The following WNT3 variants were observed in gnomAD, a reference collection of about 807,000 sequenced individuals.
WNT3 encodes Wnt family member 3, also known as proto-oncogene Wnt-3.
In WNT3, 7 loss-of-function variants were observed where a neutral mutation model predicts 34.2. That is an observed-to-expected ratio of 0.20 (90% confidence interval 0.12 to 0.38). WNT3 has a LOEUF of 0.38. Ranked by LOEUF, WNT3 falls within the 10% of genes least tolerant of loss-of-function variation. The pLI is 1.00. For synonymous variants in WNT3, 212 were observed against 211.5 expected, an observed-to-expected ratio of 1.00 and a Z score of -0.02; for missense variants, 267 against 499.8, an observed-to-expected ratio of 0.53 and a Z score of 4.44.
At chr17:46,804,622 G>A (rs1466810697) in intron 1 of WNT3, among the ~76,000 whole-genome samples, 5 of 152,228 alleles carry the variant, frequency 3.3e-5, no homozygotes, top group African/African-American at 9.6e-5. Context: ...ATCAGAAGAG[G>A]AAGAACAAGT....
chr17:46,789,115 G>A (rs1023217275), intron 1 of WNT3, among the ~76,000 whole-genome samples: 2 of 152,180 alleles, frequency 1.3e-5, no homozygotes, highest in Non-Finnish European at 2.9e-5. Flanking sequence ...GGAGCACAGT[G>A]CGTGGGGCAC....
intron 1 of WNT3, among the ~76,000 whole-genome samples, chr17:46,793,102 T>C (rs557174929): frequency 0.042 from 904 of 21,286 alleles, 8 homozygotes; most frequent in Middle Eastern, 0.093. Flanking sequence ...TTGTTTCTAC[T>C]AAAATTAAAA....
At chr17:46,766,660 G>GC (rs931025076) in intron 4 of WNT3, among the ~76,000 whole-genome samples, 1 of 152,094 alleles carries the variant, frequency 6.6e-6, no homozygotes, top group African/African-American at 2.4e-5. Flanking sequence ...TGAGTGAGTC[G>GC]CCCCTCAGCC....
At chr17:46,811,752 C>T (rs982911231) in intron 1 of WNT3, among the ~76,000 whole-genome samples, 2 of 152,072 alleles carry the variant, frequency 1.3e-5, no homozygotes, top group South Asian at 2.1e-4. Flanking sequence ...GTCGGGAGTT[C>T]GAGACCAGCC....
intron 1 of WNT3, among the ~76,000 whole-genome samples, chr17:46,784,664 G>A (rs938376852): frequency 8.5e-5 from 13 of 152,116 alleles, no homozygotes; most frequent in Admixed American, 8.5e-4. Context: ...CCCAGGTCTG[G>A]CTTGTGTTTT....
intron 2 of WNT3, among the ~76,000 whole-genome samples, chr17:46,770,719 T>C (rs2059357661): frequency 6.6e-6 from 1 of 151,884 alleles, no homozygotes; most frequent in South Asian, 2.1e-4. Flanking sequence ...CCCAGAAGGG[T>C]AGGGACACCG....
intron 1 of WNT3, among the ~76,000 whole-genome samples, chr17:46,787,069 C>G (rs2146413906): frequency 6.6e-6 from 1 of 152,076 alleles, no homozygotes; most frequent in East Asian, 1.9e-4. Context: ...TCCTGAGTAG[C>G]TGAGACTACA....
intron 1 of WNT3, among the ~76,000 whole-genome samples, chr17:46,787,316 C>A (rs1042123684): frequency 2.0e-5 from 3 of 151,980 alleles, no homozygotes; most frequent in Admixed American, 6.6e-5. Flanking sequence ...GGCGGGGGAA[C>A]AATAGGAGTG....
At chr17:46,775,171 A>G (rs1159257824) in intron 1 of WNT3, among the ~76,000 whole-genome samples, 1 of 152,256 alleles carries the variant, frequency 6.6e-6, no homozygotes, top group East Asian at 1.9e-4. Flanking sequence ...ACTGCTTGCC[A>G]GGCACTTTAT....
chr17:46,787,302 C>T (rs546480394), intron 1 of WNT3, among the ~76,000 whole-genome samples: 11 of 32,204 alleles, frequency 3.4e-4, no homozygotes, highest in South Asian at 1.9e-3. Flanking sequence ...TGGAGTAGGG[C>T]GGGGGCGGGG....
At chr17:46,808,459 T>C (rs2084225702) in intron 1 of WNT3, among the ~76,000 whole-genome samples, 1 of 152,162 alleles carries the variant, frequency 6.6e-6, no homozygotes, top group South Asian at 2.1e-4. Context: ...TTTACCCCAA[T>C]AACAAGTCCA....
chr17:46,783,408 T>C (rs9916350), intron 1 of WNT3, among the ~76,000 whole-genome samples: 44 of 152,324 alleles, frequency 2.9e-4, no homozygotes, highest in African/African-American at 9.6e-4. Context: ...CACGCACGAA[T>C]TGAGTGATGA....
At position 46,796,340 on chromosome 17, in the gene WNT3, A is replaced by G. The variant is rs140759458; in HGVS notation, c.80+22178T>C. Among the ~76,000 whole-genome samples the G allele has an allele frequency of 3.5e-4, 53 of 152,354 alleles. No individual in the cohort carries two copies. The East Asian group carries it at 9.2e-3, about 27-fold the overall frequency. ...AAAGACCAGTGACATCCTCTATGCC[A>G]GGCACTGTTTGTGTGCTTGCCGCAT... On this transcript the variant is annotated intron_variant, in intron 1 of 4. Coordinates refer to ENST00000225512, the MANE Select transcript of WNT3 (RefSeq NM_030753.5).
chr17:46,768,939 T>A lies in WNT3; in HGVS notation c.589-140A>T. On this transcript the variant is annotated intron_variant, in intron 3 of 4. Transcript: ENST00000225512. This position sits in a 1 kb window ranked among gnomAD's most constrained non-coding sequence, Gnocchi z 5.0. ...TGACAGGAAGAGAACTGATGGGGACTGAGGCAAGACCTAAAGAATAGTGAC... is the reference window on the plus strand; with the variant it reads ...TGACAGGAAGAGAACTGATGGGGACAGAGGCAAGACCTAAAGAATAGTGAC... 7.6e-7 allele frequency: 1 copy of A among 1,323,108 alleles called. No homozygotes were observed. Among genetic ancestry groups the A allele is most frequent in the Non-Finnish European group, 1.0e-6 (1 of 985,416 alleles). The allele number at this position is 1,323,108 out of a possible 1,614,324, so 82.0% of individuals were successfully genotyped here.
intron 2 of WNT3, 122 bp from the exon 3 acceptor site, chr17:46,770,170 C>T: frequency 7.5e-7 from 1 of 1,336,292 alleles, no homozygotes; most frequent in Non-Finnish European, 9.9e-7. Context: ...AGCTCACCAG[C>T]CCTGAGGCAA....
intron 1 of WNT3, among the ~76,000 whole-genome samples, chr17:46,776,409 A>G (rs571595663): frequency 2.6e-5 from 4 of 152,368 alleles, no homozygotes; most frequent in African/African-American, 9.6e-5. Flanking sequence ...TGTGCTGGAC[A>G]CAGTTCTGAG....
intron 1 of WNT3, among the ~76,000 whole-genome samples, chr17:46,810,641 G>T (rs1367295650): frequency 1.3e-5 from 2 of 152,090 alleles, no homozygotes; most frequent in Non-Finnish European, 2.9e-5. Flanking sequence ...TGTGTGTAGA[G>T]TTTAGAGCTC....
At chr17:46,784,980 T>G (rs1034166722) in intron 1 of WNT3, among the ~76,000 whole-genome samples, 3 of 152,082 alleles carry the variant, frequency 2.0e-5, no homozygotes, top group Non-Finnish European at 1.5e-5. Flanking sequence ...GGTTTCACTG[T>G]GTTAGCCAGG....
chr17:46,817,930 A>G (rs1482876754), intron 1 of WNT3, among the ~76,000 whole-genome samples: 1 of 152,150 alleles, frequency 6.6e-6, no homozygotes, highest in East Asian at 1.9e-4. Flanking sequence ...TTCACTTCAG[A>G]GGCTCAAGAT....
Sources: allele counts gnomAD v4.1 joint callset (sites outside exome capture counted in the v4.1 genomes callset), GRCh38; gene constraint gnomAD v4.1.1; non-coding constraint Gnocchi (gnomAD v3.1); transcripts MANE v1.5; gene names NCBI Gene and HGNC (gene_info 2026-07-23, HGNC 2026-07-21).